Variants in C8orf34 observed in about 807,000 individuals in gnomAD.
C8orf34 encodes uncharacterized protein C8orf34.
In C8orf34, 65 loss-of-function variants were observed where a neutral mutation model predicts 68.3. The ratio of observed to expected loss-of-function variants is 0.95; its 90% CI spans 0.78 to 1.17. The LOEUF (loss-of-function observed/expected upper bound fraction) is 1.17. Among genes scored for constraint, C8orf34 ranks in the 50% most tolerant of loss-of-function variants. The pLI is 0.00. For synonymous variants in C8orf34, 244 were observed against 241.2 expected (o/e 1.01, Z -0.11); for missense variants, 664 against 655.4 (o/e 1.01, Z -0.14).
Position 68,565,522 on chromosome 8 carries a change from AAGAG to A in C8orf34, c.1105+32377_1105+32380del, listed in dbSNP as rs1816560640. On this transcript the variant is annotated intron_variant, in intron 7 of 13. Coordinates refer to ENST00000518698, the MANE Select transcript of C8orf34 (RefSeq NM_052958.4). ...AAAGCAAAGAGCAGTGCTGGAAGAG[AAGAG>A]AGAAAGGGAATGAGCATTTAAAAGA... Among the ~76,000 whole-genome samples, 4 of 152,244 alleles carry A rather than the reference AAGAG, an allele frequency of 2.6e-5. No individual in the cohort carries two copies. In the South Asian group the frequency reaches 8.3e-4, roughly 32 times the overall value.
chr8:68,642,999 TTGCCTGC>T (rs553165861), intron 8 of C8orf34, among the ~76,000 whole-genome samples: 4 of 152,196 alleles, frequency 2.6e-5, no homozygotes, highest in Non-Finnish European at 5.9e-5. Context: ...TAATGCTCCC[TTGCCTGC>T]CGCTAACCTC....
At chr8:68,716,912 G>A (rs1355579170) in intron 9 of C8orf34, among the ~76,000 whole-genome samples, 2 of 151,642 alleles carry the variant, frequency 1.3e-5, no homozygotes, top group Non-Finnish European at 2.9e-5. Flanking sequence ...ACTACATACA[G>A]GCGATGGATA....
At chr8:68,430,327 C>T (rs1157921213) in intron 1 of C8orf34, among the ~76,000 whole-genome samples, 1 of 152,148 alleles carries the variant, frequency 6.6e-6, no homozygotes, top group Non-Finnish European at 1.5e-5. Flanking sequence ...CCCTATGTAT[C>T]TCTTTATCTG....
intron 12 of C8orf34, among the ~76,000 whole-genome samples, chr8:68,794,845 A>C (rs1412277980): frequency 6.6e-6 from 1 of 152,080 alleles, no homozygotes; most frequent in Non-Finnish European, 1.5e-5. Flanking sequence ...TCCTAAATCT[A>C]AAATCTGAAA....
chr8:68,747,789 T>C (rs1177501997), intron 10 of C8orf34, among the ~76,000 whole-genome samples: 1 of 151,120 alleles, frequency 6.6e-6, no homozygotes, highest in African/African-American at 2.4e-5. Flanking sequence ...AGAATCAATA[T>C]CGTGAAAATG....
At chr8:68,480,481 C>T (rs1015237768) in intron 4 of C8orf34, among the ~76,000 whole-genome samples, 3 of 152,108 alleles carry the variant, frequency 2.0e-5, no homozygotes, top group African/African-American at 7.2e-5. Context: ...GTTGAAGCAA[C>T]TTTGGAACTG....
rs112352353 is a variant in C8orf34, at chr8:68,709,690, C to T, written c.1327+611C>T. ...CATCAACTCCCTTCTTGGCCCTCCT[C>T]GGACTATCTCACCCCTCTTTTGTTC... On this transcript the variant is annotated intron_variant, in intron 9 of 13. Transcript: ENST00000518698. Among the ~76,000 whole-genome samples, 225 of 152,208 alleles carry T rather than the reference C, an allele frequency of 1.5e-3. 2 individuals are homozygous for T. Among genetic ancestry groups the T allele is most frequent in the African/African-American group, 5.2e-3 (216 of 41,540 alleles).
At chr8:68,567,009 A>C (rs1220180778) in intron 7 of C8orf34, among the ~76,000 whole-genome samples, 1 of 152,022 alleles carries the variant, frequency 6.6e-6, no homozygotes, top group African/African-American at 2.4e-5. Context: ...TATCTTTTTC[A>C]TATGTTGTTG....
chr8:68,386,421 T>C (rs1808262521), intron 1 of C8orf34, among the ~76,000 whole-genome samples: 1 of 152,190 alleles, frequency 6.6e-6, no homozygotes, highest in South Asian at 2.1e-4. Context: ...GAATAGCACA[T>C]ATATTTCAAA....
intron 1 of C8orf34, among the ~76,000 whole-genome samples, chr8:68,390,609 A>G (rs1007936868): frequency 1.3e-5 from 2 of 151,992 alleles, no homozygotes; most frequent in African/African-American, 4.8e-5. Context: ...TCAAGTTTGG[A>G]TGGTGCAGGC....
chr8:68,688,974 C>T (rs1218525126), intron 8 of C8orf34, among the ~76,000 whole-genome samples: 1 of 152,026 alleles, frequency 6.6e-6, no homozygotes, highest in Non-Finnish European at 1.5e-5. Flanking sequence ...CACATGTATC[C>T]TGGAACTTAA....
intron 7 of C8orf34, among the ~76,000 whole-genome samples, chr8:68,601,315 T>G (rs1817690859): frequency 6.6e-6 from 1 of 152,162 alleles, no homozygotes. Flanking sequence ...CTTCAAATAC[T>G]TTATTCAGTC....
chr8:68,780,086 G>T (rs73683721), intron 11 of C8orf34, among the ~76,000 whole-genome samples: 1 of 152,012 alleles, frequency 6.6e-6, no homozygotes, highest in African/African-American at 2.4e-5. Context: ...ATTATAAATC[G>T]ATGGAAAAAT....
chr8:68,803,465 G>T (rs992778646), intron 12 of C8orf34, among the ~76,000 whole-genome samples: 14 of 151,950 alleles, frequency 9.2e-5, no homozygotes, highest in Non-Finnish European at 1.3e-4. Context: ...AAAAAATTCA[G>T]TGGCTTTGAA....
chr8:68,377,093 A>T (rs1006623988), intron 1 of C8orf34, among the ~76,000 whole-genome samples: 1 of 152,162 alleles, frequency 6.6e-6, no homozygotes, highest in African/African-American at 2.4e-5. Flanking sequence ...GAAGAGCAGA[A>T]GTAAGAAGCA....
At chr8:68,499,959 T>A (rs1234224466) in intron 5 of C8orf34, among the ~76,000 whole-genome samples, 3 of 152,136 alleles carry the variant, frequency 2.0e-5, no homozygotes, top group Non-Finnish European at 4.4e-5. Context: ...TCTTGTTCAG[T>A]TAGTTCATGT....
chr8:68,667,171 T>G (rs749597189), intron 8 of C8orf34, among the ~76,000 whole-genome samples: 26 of 152,188 alleles, frequency 1.7e-4, no homozygotes, highest in Non-Finnish European at 3.5e-4. Flanking sequence ...TTTGAAACAA[T>G]GAAGTCAAAG....
chr8:68,553,403 A>C (rs1398317412), intron 7 of C8orf34, among the ~76,000 whole-genome samples: 4 of 151,396 alleles, frequency 2.6e-5, no homozygotes, highest in Admixed American at 6.6e-5. Context: ...AAAAAAAAAA[A>C]AAAAAAACAT....
At chr8:68,784,566 A>C (rs1823787301) in intron 11 of C8orf34, among the ~76,000 whole-genome samples, 1 of 152,164 alleles carries the variant, frequency 6.6e-6, no homozygotes, top group Non-Finnish European at 1.5e-5. Context: ...AATTTACATA[A>C]ATTATTTGAA....
Sources: gnomAD v4.1 joint callset for allele counts (sites outside exome capture counted in the v4.1 genomes callset) on GRCh38, gnomAD v4.1.1 for gene constraint, MANE v1.5 for transcripts, NCBI Gene and HGNC (gene_info 2026-07-23, HGNC 2026-07-21) for gene names.